Variants in NRXN3 observed in about 807,000 individuals in gnomAD.
NRXN3 encodes the protein neurexin 3.
In NRXN3, 32 loss-of-function variants were observed where a neutral mutation model predicts 137.6. The observed-to-expected ratio is 0.23, with a 90% CI of 0.18 to 0.31. NRXN3 has a LOEUF of 0.31. Among genes scored for constraint, NRXN3 ranks in the 10% least tolerant of loss-of-function variants. NRXN3 has a pLI of 1.00. For synonymous variants in NRXN3, 798 were observed against 784.5 expected, an observed-to-expected ratio of 1.02 and a Z score of -0.29; for missense variants, 1,574 against 2,062.5, an observed-to-expected ratio of 0.76 and a Z score of 4.59.
intron 4 of NRXN3, among the ~76,000 whole-genome samples, chr14:78,502,444 A>G (rs410618): frequency 0.96 from 145,627 of 152,262 alleles, 69,678 homozygotes; most frequent in East Asian, 1. Flanking sequence ...GCCTCCTGGG[A>G]GCCACTAGGT....
Position 79,174,631 on chromosome 14 carries a change from T to C in NRXN3, c.3262+186490T>C, listed in dbSNP as rs78911883. Among the ~76,000 whole-genome samples, 7 of 149,408 alleles carry C rather than the reference T, an allele frequency of 4.7e-5. No individual in the cohort carries two copies. In the South Asian group the frequency reaches 8.4e-4, roughly 18 times the overall value. On this transcript the variant is annotated intron_variant, in intron 15 of 20. Coordinates refer to ENST00000335750, the MANE Select transcript of NRXN3 (RefSeq NM_001330195.2). ...AATATTGCATCATATTTTGCGGTGG[T>C]TTAAAAAAAAAAAAAGAGGAAAGAT...
chr14:79,647,614 G>T (rs1322971983), intron 16 of NRXN3, among the ~76,000 whole-genome samples: 1 of 135,234 alleles, frequency 7.4e-6, no homozygotes, highest in East Asian at 2.0e-4. Context: ...TTTTGTTGTT[G>T]AGCCACAGTT....
At chr14:79,596,827 T>C (rs2097863081) in intron 16 of NRXN3, among the ~76,000 whole-genome samples, 1 of 152,200 alleles carries the variant, frequency 6.6e-6, no homozygotes, top group South Asian at 2.1e-4. Context: ...ATTAAGCTGA[T>C]GCCCTTTGGA....
intron 15 of NRXN3, among the ~76,000 whole-genome samples, chr14:79,195,123 C>T (rs544526229): frequency 3.0e-4 from 45 of 152,040 alleles, no homozygotes; most frequent in Admixed American, 2.7e-3. Flanking sequence ...TGTCCTGTAC[C>T]CCTGGCTTCC....
intron 10 of NRXN3, among the ~76,000 whole-genome samples, chr14:78,819,710 G>C (rs1272195802): frequency 6.6e-6 from 1 of 152,168 alleles, no homozygotes; most frequent in Non-Finnish European, 1.5e-5. Flanking sequence ...CCGCATAAAT[G>C]ACCTTAACCT....
chr14:78,447,162 C>A (rs2094440953), intron 4 of NRXN3, among the ~76,000 whole-genome samples: 1 of 152,310 alleles, frequency 6.6e-6, no homozygotes. Context: ...TCAGGCAAAC[C>A]ACCTAACCTG....
chr14:78,898,525 G>A (rs1350868366), intron 10 of NRXN3, among the ~76,000 whole-genome samples: 1 of 150,826 alleles, frequency 6.6e-6, no homozygotes, highest in Non-Finnish European at 1.5e-5. Context: ...AGTTTCTTAA[G>A]TGGTGCTTTC....
At chr14:79,013,807 T>G (rs1481320488) in intron 15 of NRXN3, among the ~76,000 whole-genome samples, 2 of 152,190 alleles carry the variant, frequency 1.3e-5, no homozygotes, top group African/African-American at 4.8e-5. Flanking sequence ...ACTGATATAT[T>G]AGGCAAAATA....
intron 16 of NRXN3, among the ~76,000 whole-genome samples, chr14:79,521,036 G>C (rs2097059254): frequency 6.6e-6 from 1 of 152,176 alleles, no homozygotes; most frequent in African/African-American, 2.4e-5. Flanking sequence ...ATCAATGATA[G>C]ACTGGATAAT....
chr14:78,544,957 G>A (rs1566704068), intron 4 of NRXN3, among the ~76,000 whole-genome samples: 1 of 152,302 alleles, frequency 6.6e-6, no homozygotes, highest in South Asian at 2.1e-4. Context: ...TCTCAATTTG[G>A]CAACTAAGCA....
intron 8 of NRXN3, among the ~76,000 whole-genome samples, chr14:78,764,777 G>A (rs1434688789): frequency 6.6e-6 from 1 of 152,144 alleles, no homozygotes; most frequent in South Asian, 2.1e-4. Flanking sequence ...ACAGTGATTA[G>A]ATCAGGCTTC....
intron 19 of NRXN3, among the ~76,000 whole-genome samples, chr14:79,722,636 A>C (rs1396642793): frequency 6.6e-6 from 1 of 152,068 alleles, no homozygotes; most frequent in African/African-American, 2.4e-5. Flanking sequence ...ACCTCTTTTG[A>C]GATTCCAGGT....
intron 15 of NRXN3, among the ~76,000 whole-genome samples, chr14:79,111,037 G>A (rs374800625): frequency 1.3e-5 from 2 of 151,994 alleles, no homozygotes; most frequent in East Asian, 1.9e-4. Context: ...TGGTCTGCCC[G>A]CCTCGGCCTC....
At chr14:79,180,571 T>A (rs982752799) in intron 15 of NRXN3, among the ~76,000 whole-genome samples, 1 of 152,176 alleles carries the variant, frequency 6.6e-6, no homozygotes, top group Non-Finnish European at 1.5e-5. Flanking sequence ...TGCTATTTTT[T>A]ATTTCCCTAA....
intron 15 of NRXN3, among the ~76,000 whole-genome samples, chr14:79,186,054 T>C (rs2063504583): frequency 6.6e-6 from 1 of 152,296 alleles, no homozygotes; most frequent in Admixed American, 6.5e-5. Flanking sequence ...TGTGGAGATG[T>C]TCATGGTACA....
chr14:78,871,263 G>A (rs565090230), intron 10 of NRXN3, among the ~76,000 whole-genome samples: 1 of 151,840 alleles, frequency 6.6e-6, no homozygotes, highest in South Asian at 2.1e-4. Flanking sequence ...TAACTGGGGT[G>A]AGATGACGTC....
At chr14:79,675,711 C>G (rs148066948) in intron 17 of NRXN3, among the ~76,000 whole-genome samples, 421 of 152,080 alleles carry the variant, frequency 2.8e-3, no homozygotes, top group African/African-American at 9.6e-3. Context: ...GACAGGCACT[C>G]CATTTACGTA....
intron 16 of NRXN3, among the ~76,000 whole-genome samples, chr14:79,565,682 GA>G (rs1280892150): frequency 3.9e-5 from 6 of 151,994 alleles, no homozygotes; most frequent in Non-Finnish European, 8.8e-5. Context: ...ATGGAAGGAT[GA>G]ATAATACCTC....
intron 1 of NRXN3, among the ~76,000 whole-genome samples, chr14:78,210,546 C>G (rs1036184180): frequency 6.6e-6 from 1 of 152,022 alleles, no homozygotes; most frequent in Non-Finnish European, 1.5e-5. Flanking sequence ...AATAAAGTAC[C>G]TCAATTTTCT....
Sources: allele counts gnomAD v4.1 joint callset (sites outside exome capture counted in the v4.1 genomes callset), GRCh38; gene constraint gnomAD v4.1.1; transcripts MANE v1.5; gene names NCBI Gene and HGNC (gene_info 2026-07-23, HGNC 2026-07-21).